TMEM201: variants seen among roughly 807,000 people sequenced by gnomAD.
The protein encoded by TMEM201 is RP13-15M17.2.
Under a neutral mutation model 63.4 loss-of-function variants are expected in TMEM201, and 26 were observed. The observed-to-expected ratio is 0.41, with a 90% CI of 0.30 to 0.57. The LOEUF (loss-of-function observed/expected upper bound fraction) is 0.57. Ranked by LOEUF, TMEM201 falls within the 20% of genes least tolerant of loss-of-function variation. The pLI is 0.29. For synonymous variants in TMEM201, 417 were observed against 421.6 expected (o/e 0.99, Z 0.14); for missense variants, 794 against 917.7 (o/e 0.87, Z 1.74).
chr1:9,597,162 C>A, intron 3 of TMEM201, 109 bp downstream of exon 3: 1 of 1,294,414 alleles, frequency 7.7e-7, no homozygotes, highest in Non-Finnish European at 1.0e-6. Context: ...GGCCCCTGCT[C>A]TGCTAGACAG....
At chr1:9,594,684 C>A (rs886500714) in intron 1 of TMEM201, among the ~76,000 whole-genome samples, 6 of 152,212 alleles carry the variant, frequency 3.9e-5, no homozygotes, top group African/African-American at 7.2e-5. Flanking sequence ...CCAGCCTCCC[C>A]CTCAGGCCCC....
chr1:9,613,116 C>T lies in TMEM201; in HGVS notation c.*33C>T, dbSNP rs1258318298. On this transcript the variant is annotated 3_prime_UTR_variant, in exon 11 of 11. Coordinates refer to ENST00000340381, the MANE Select transcript of TMEM201 (RefSeq NM_001130924.3). ...TTGGAGCCCCTCGGAGGGGAGCAAC[C>T]CGGTGCCTGCTGCTTCACCACTGCC... 1.9e-6 allele frequency: 3 copies of T among 1,542,692 alleles called. No individual in the cohort carries two copies. Among genetic ancestry groups the T allele is most frequent in the Admixed American group, 2.0e-5 (1 of 50,966 alleles).
At position 9,602,062 on chromosome 1, in the gene TMEM201, C is replaced by G; in HGVS notation, c.957-7C>G. The G allele has an allele frequency of 6.2e-7, 1 of 1,608,642 alleles. No individual in the cohort carries two copies. The highest frequency in any genetic ancestry group is 1.1e-5 in the South Asian group (1 of 90,998). ...CCCCTGGGGTGACCCCGCTGCTTCC[C>G]TTTCAGGCTCCGGAGGATCGATGCC... On this transcript the variant is annotated splice_region_variant and splice_polypyrimidine_tract_variant and intron_variant, in intron 5 of 10. Coordinates refer to ENST00000340381, the MANE Select transcript of TMEM201 (RefSeq NM_001130924.3).
At chr1:9,600,985 C>A in intron 4 of TMEM201, 120 bp from the exon 5 acceptor site, 1 of 885,262 alleles carries the variant, frequency 1.1e-6, no homozygotes, top group Non-Finnish European at 1.7e-6. Flanking sequence ...AGTTTTTGAA[C>A]CAAGCCCAGG....
chr1:9,607,487 C>A lies in TMEM201; in HGVS notation c.1161-70C>A. ...TTGCACTGTGGGAGAGGGGTGGGAC[C>A]CACTGCAAGGCTGCCTCCAGGACCT... On this transcript the variant is annotated intron_variant, in intron 6 of 10. Coordinates refer to ENST00000340381, the MANE Select transcript of TMEM201 (RefSeq NM_001130924.3). This position sits in a 1 kb window ranked among gnomAD's most constrained non-coding sequence, Gnocchi z 5.4. The A allele has an allele frequency of 8.0e-7, 1 of 1,247,716 alleles. No individual in the cohort carries two copies. Among genetic ancestry groups the A allele is most frequent in the Non-Finnish European group, 1.1e-6 (1 of 896,784 alleles). The allele number at this position is 1,247,716 out of a possible 1,614,324, so 77.3% of individuals were successfully genotyped here. A position where few individuals can be genotyped will look rare whatever the true frequency, so the allele number is the denominator to read the frequency against.
Position 9,601,472 on chromosome 1 carries a change from G to A in TMEM201, c.956+18G>A, listed in dbSNP as rs1217174197. 1.3e-6 allele frequency: 2 copies of A among 1,563,982 alleles called. No individual in the cohort carries two copies. The highest frequency in any genetic ancestry group is 1.7e-6 in the Non-Finnish European group (2 of 1,158,846). The stretch of plus-strand genomic sequence containing the variant: ...CGCATCAGGTGTGCATGGGGCCAGG[G>A]CCAGGAGTTGGCGGGCAGGGGACTG... On this transcript the variant is annotated intron_variant, in intron 5 of 10. Coordinates refer to ENST00000340381, the MANE Select transcript of TMEM201 (RefSeq NM_001130924.3).
At chr1:9,596,825 C>CCTGCCTGCCTCGAGT in intron 2 of TMEM201, 34 bp from the exon 3 acceptor site, 1 of 1,550,072 alleles carries the variant, frequency 6.5e-7, no homozygotes, top group Non-Finnish European at 8.8e-7. Context: ...GCTGGGAGGG[C>CCTGCCTGCCTCGAGT]CTGCCTGCCT....
At chr1:9,602,431 ACTGCCTCGAAGAGTCAGTCTGCC>A in intron 6 of TMEM201, 159 bp downstream of exon 6, 1 of 1,365,268 alleles carries the variant, frequency 7.3e-7, no homozygotes, top group Non-Finnish European at 9.4e-7. Context: ...CAGTCCCTCC[ACTGCCTCGAAGAGTCAGTCTGCC>A]CTGCCTTTTC....
chr1:9,592,584 C>G (rs1338023461), intron 1 of TMEM201, among the ~76,000 whole-genome samples: 1 of 127,548 alleles, frequency 7.8e-6, no homozygotes, highest in Admixed American at 8.3e-5. Flanking sequence ...AGAACAGAGC[C>G]CCTCCCACCT....
At position 9,603,706 on chromosome 1, in the gene TMEM201, G is replaced by A; in HGVS notation, c.1160+1434G>A. The A allele has an allele frequency of 1.0e-6, 1 of 985,486 alleles. No homozygotes were observed. The allele number at this position is 985,486 out of a possible 1,614,324, so 61.0% of individuals were successfully genotyped here. On this transcript the variant is annotated intron_variant, in intron 6 of 10. Transcript: ENST00000340381. This position sits in a 1 kb window ranked among gnomAD's most constrained non-coding sequence, Gnocchi z 4.5. ...TCACTGCTGTGAATCTGCCACGCCT[G>A]GGGGTCCTAGAGGCTGCCCCACCCC...
rs1377376540 is a variant in TMEM201, at chr1:9,598,312, G to A, written c.430-137G>A. ...GTCCTGTTGGGCAGAGGGGAAGCAG[G>A]TTCAAAGTGGGGTTGACTTGCCCCC... On this transcript the variant is annotated intron_variant, in intron 3 of 10. Transcript: ENST00000340381. The A allele has an allele frequency of 3.0e-6, 3 of 1,008,512 alleles. No individual in the cohort carries two copies. The African/African-American group carries it at 4.8e-5, about 16-fold the overall frequency. 62.5% of individuals were successfully genotyped at this position (1,008,512 alleles called of 1,614,324 possible). A position where few individuals can be genotyped will look rare whatever the true frequency, so the allele number is the denominator to read the frequency against.
intron 1 of TMEM201, among the ~76,000 whole-genome samples, chr1:9,594,992 G>T (rs915434279): frequency 6.6e-6 from 1 of 152,216 alleles, no homozygotes; most frequent in Non-Finnish European, 1.5e-5. Flanking sequence ...CGGTGTCCTC[G>T]AGCTGGAGGT....
At position 9,598,557 on chromosome 1, in the gene TMEM201, C is replaced by T. The variant is rs746336377; in HGVS notation, c.538C>T (p.Arg180Cys). 8.1e-6 allele frequency: 13 copies of T among 1,613,712 alleles called. 1 individual carries two copies. Among genetic ancestry groups the T allele is most frequent in the South Asian group, 4.4e-5 (4 of 91,076 alleles). ...GGAGTACTACATCAAGCACCAGAAC[C>T]GCCAGCTGCGCGCCCTGTTGCTCAG... ...AVEYYIKHQN[R>C]QLRALLLSHQ... is the part of the protein sequence containing the mutation. The change falls in exon 4 of 11, where the codon CGC becomes TGC. Residue 180 changes from arginine to cysteine, a missense_variant. Arg to Cys is a radical substitution (Grantham distance 180). Transcript: ENST00000340381.
chr1:9,602,257 G>A lies in TMEM201; in HGVS notation c.1145G>A (p.Arg382Lys). Reference protein sequence around the residue: ...VATRKATGPRRFRPRRFFPGD... With the variant: ...VATRKATGPRKFRPRRFFPGD... The stretch of plus-strand genomic sequence containing the variant: ...ACAAGGAAGGCAACGGGCCCACGGA[G>A]GTTCCGGCCCCGAAGGTCAGAGAAG... The change falls in exon 6 of 11, where the codon AGG (arginine) becomes AAG (lysine). Residue 382 changes from arginine to lysine, a missense_variant. By Grantham distance (26) the Arg-to-Lys change is conservative. Transcript: ENST00000340381. 6.2e-7 allele frequency: 1 copy of A among 1,611,590 alleles called. No individual in the cohort carries two copies.
rs139906846 is a variant in TMEM201, at chr1:9,601,610, G to A, written c.956+156G>A. Among the ~76,000 whole-genome samples the A allele has an allele frequency of 8.8e-3, 1,333 of 152,290 alleles. 69 individuals are homozygous for A. The highest frequency in any genetic ancestry group is 0.065 in the Admixed American group (999 of 15,302). On this transcript the variant is annotated intron_variant, in intron 5 of 10. Transcript: ENST00000340381. ...GGCTTGGTCCCAGGGGCTGGGAGTC[G>A]TAGGTGAGGTGAGGCTGCAGACGCC...
At chr1:9,593,466 A>C (rs1476346188) in intron 1 of TMEM201, among the ~76,000 whole-genome samples, 1 of 152,178 alleles carries the variant, frequency 6.6e-6, no homozygotes, top group Non-Finnish European at 1.5e-5. Flanking sequence ...GCCCACCCCC[A>C]ACTCTAGCAG....
chr1:9,596,796 C>T (rs1383168755), intron 2 of TMEM201, 63 bp from the exon 3 acceptor site: 1 of 1,509,930 alleles, frequency 6.6e-7, no homozygotes, highest in Non-Finnish European at 8.9e-7. Flanking sequence ...CCCCCAGGGA[C>T]ATCACCAAGC....
rs1644300285 is a variant in TMEM201 at position 9,610,061 on chromosome 1, C to A, written c.1465+150C>A. ...GGGCAAGTGACCTACACACCTGTGC[C>A]TCAGTTTCCTCTTGCGTGAAATGGG... On this transcript the variant is annotated intron_variant, in intron 8 of 10. Coordinates refer to ENST00000340381, the MANE Select transcript of TMEM201 (RefSeq NM_001130924.3). The surrounding 1 kb of genome is among the most constrained non-coding windows in gnomAD (Gnocchi z 4.9). 1.4e-6 allele frequency: 1 copy of A among 708,240 alleles called. No individual in the cohort carries two copies. Among genetic ancestry groups the A allele is most frequent in the Non-Finnish European group, 2.5e-6 (1 of 406,394 alleles). The allele number at this position is 708,240 out of a possible 1,614,324, so 43.9% of individuals were successfully genotyped here.
At chr1:9,594,673 C>T (rs1470851137) in intron 1 of TMEM201, among the ~76,000 whole-genome samples, 1 of 152,210 alleles carries the variant, frequency 6.6e-6, no homozygotes, top group African/African-American at 2.4e-5. Context: ...CTTCCCAGGG[C>T]CCAGCCTCCC....
Sources: gnomAD v4.1 joint callset for allele counts (sites outside exome capture counted in the v4.1 genomes callset) on GRCh38, gnomAD v4.1.1 for gene constraint, Gnocchi (gnomAD v3.1) non-coding constraint, MANE v1.5 for transcripts, NCBI Gene and HGNC (gene_info 2026-07-23, HGNC 2026-07-21) for gene names.